The following PCDHA10 variants were observed in gnomAD, a reference collection of about 807,000 sequenced individuals.
PCDHA10 encodes protocadherin alpha 10.
PCDHA10 carries 45 observed loss-of-function variants against 61.2 expected under a neutral mutation model. That is an observed-to-expected ratio of 0.74 (90% CI 0.58 to 0.94). PCDHA10 has a LOEUF of 0.94. Among genes scored for constraint, PCDHA10 ranks in the 40% least tolerant of loss-of-function variants. The pLI, the probability that PCDHA10 is intolerant of heterozygous loss-of-function variation, is 0.00. For missense variants in PCDHA10, 1,278 were observed against 1,236.2 expected, an observed-to-expected ratio of 1.03 and a Z score of -0.51; for synonymous variants, 602 against 548.8, an observed-to-expected ratio of 1.10 and a Z score of -1.35.
At chr5:140,864,271 A>T (rs2048397543) in intron 1 of PCDHA10, 1 of 152,134 alleles carries the variant, frequency 6.6e-6, no homozygotes, top group African/African-American at 2.4e-5. Context: ...TGTGTCCTCC[A>T]TTCCTTATTG....
intron 1 of PCDHA10, among the ~76,000 whole-genome samples, chr5:140,875,039 A>AT: frequency 3.9e-5 from 6 of 152,348 alleles, no homozygotes; most frequent in Admixed American, 3.9e-4. Context: ...TATTTGAAAG[A>AT]TTTCTACTTT....
At chr5:140,867,175 C>T (rs782419499) in intron 1 of PCDHA10, 5 of 152,056 alleles carry the variant, frequency 3.3e-5, no homozygotes, top group Admixed American at 1.3e-4. Context: ...GGTTCATTTC[C>T]CTACCTCGCA....
At chr5:140,863,444 G>T in intron 1 of PCDHA10, 4 of 585,532 alleles carry the variant, frequency 6.8e-6, no homozygotes, top group South Asian at 1.4e-5. Flanking sequence ...GGTCTTACTC[G>T]CAGCAAAGGA....
At chr5:140,924,902 A>AT (rs1563068435) in intron 1 of PCDHA10, among the ~76,000 whole-genome samples, 2 of 39,026 alleles carry the variant, frequency 5.1e-5, no homozygotes, top group Non-Finnish European at 1.3e-4. Context: ...CTCAAAAAAA[A>AT]AAATAAAATA....
In PCDHA10 at chr5:140,927,497, T is replaced by G. The variant is rs199998669; in HGVS notation, c.2389-51452T>G. ...GAACAGCGCGCCACCCACCTGCTGGTGCTTACAGCTCGGGACGGCGGGCTA... is the reference window on the plus strand; with the variant it reads ...GAACAGCGCGCCACCCACCTGCTGGGGCTTACAGCTCGGGACGGCGGGCTA... On this transcript the variant is annotated intron_variant, in intron 1 of 3. Coordinates refer to ENST00000307360, the MANE Select transcript of PCDHA10 (RefSeq NM_018901.4). The G allele has an allele frequency of 2.0e-4, 325 of 1,614,094 alleles. No homozygotes were observed. The highest frequency in any genetic ancestry group is 2.6e-4 in the Non-Finnish European group (305 of 1,180,030).
At chr5:140,982,628 G>A (rs2096992254) in intron 3 of PCDHA10, 65 bp downstream of exon 3, 1 of 1,578,000 alleles carries the variant, frequency 6.3e-7, no homozygotes, top group African/African-American at 1.4e-5. Flanking sequence ...ACCTACTTTT[G>A]TAAGATCAGG....
intron 3 of PCDHA10, among the ~76,000 whole-genome samples, chr5:140,984,534 G>C (rs1261585417): frequency 6.6e-6 from 1 of 152,136 alleles, no homozygotes; most frequent in Non-Finnish European, 1.5e-5. Context: ...TTCATGGACT[G>C]TGCTGGATAG....
intron 3 of PCDHA10, among the ~76,000 whole-genome samples, chr5:140,990,733 A>G (rs2097410113): frequency 6.6e-6 from 1 of 152,198 alleles, no homozygotes; most frequent in Admixed American, 6.5e-5. Flanking sequence ...GTATATCAAC[A>G]GCCCTAGGGT....
At chr5:140,921,165 A>T (rs959305878) in intron 1 of PCDHA10, among the ~76,000 whole-genome samples, 1 of 151,798 alleles carries the variant, frequency 6.6e-6, no homozygotes, top group Non-Finnish European at 1.5e-5. Flanking sequence ...TTTTTTTAAC[A>T]CACATAAAGC....
intron 3 of PCDHA10, among the ~76,000 whole-genome samples, chr5:140,997,147 A>G (rs545988847): frequency 5.9e-5 from 9 of 152,134 alleles, no homozygotes; most frequent in African/African-American, 2.2e-4. Context: ...CCCCCGCCAC[A>G]GTGACATCCT....
intron 1 of PCDHA10, among the ~76,000 whole-genome samples, chr5:140,938,665 G>A (rs542703903): frequency 7.1e-4 from 108 of 152,106 alleles, no homozygotes; most frequent in Admixed American, 1.2e-3. Context: ...ATTAGACTTA[G>A]TTTCCTAACA....
chr5:140,882,482 G>A, intron 1 of PCDHA10: 1 of 1,614,048 alleles, frequency 6.2e-7, no homozygotes, highest in South Asian at 1.1e-5. Context: ...CAAAAGACAC[G>A]GGGACCTTCT....
chr5:140,944,317 A>G (rs2093641596), intron 1 of PCDHA10, among the ~76,000 whole-genome samples: 2 of 152,090 alleles, frequency 1.3e-5, no homozygotes. Flanking sequence ...CCTCCTGAGT[A>G]GCTGGGATTA....
chr5:140,942,808 C>T (rs1175421349), intron 1 of PCDHA10, among the ~76,000 whole-genome samples: 1 of 151,920 alleles, frequency 6.6e-6, no homozygotes, highest in East Asian at 1.9e-4. Context: ...TTTCCACAAA[C>T]TAGTTGGATT....
chr5:140,988,739 G>A (rs2097310931), intron 3 of PCDHA10, among the ~76,000 whole-genome samples: 1 of 152,096 alleles, frequency 6.6e-6, no homozygotes, highest in Non-Finnish European at 1.5e-5. Flanking sequence ...AATTATTCTA[G>A]GATTGGTGGC....
intron 3 of PCDHA10, among the ~76,000 whole-genome samples, chr5:140,988,219 G>C (rs976112285): frequency 1.3e-5 from 2 of 152,132 alleles, no homozygotes; most frequent in African/African-American, 2.4e-5. Flanking sequence ...AAAAAAATGA[G>C]ATCAGGGATC....
chr5:140,989,534 A>G (rs1201139003), intron 3 of PCDHA10, among the ~76,000 whole-genome samples: 1 of 152,184 alleles, frequency 6.6e-6, no homozygotes, highest in African/African-American at 2.4e-5. Flanking sequence ...GGAGGAAGAT[A>G]GTTTGTAATT....
chr5:140,927,910 C>A lies in PCDHA10; in HGVS notation c.2389-51039C>A, dbSNP rs782484227. 2.5e-6 allele frequency: 4 copies of A among 1,614,216 alleles called. No homozygotes were observed. In the South Asian group the frequency reaches 3.3e-5, roughly 13 times the overall value. On this transcript the variant is annotated intron_variant, in intron 1 of 3. Transcript: ENST00000307360. ...TGACGTGAACGATCATGCCCCCGAACTGGACTTCCTGACTCTTTCGAACCC... is the reference window on the plus strand; with the variant it reads ...TGACGTGAACGATCATGCCCCCGAAATGGACTTCCTGACTCTTTCGAACCC...
intron 1 of PCDHA10, among the ~76,000 whole-genome samples, chr5:140,879,972 C>T (rs1005756157): frequency 6.6e-6 from 1 of 152,176 alleles, no homozygotes; most frequent in Non-Finnish European, 1.5e-5. Context: ...AGGATAAACT[C>T]CTTTCAAGAT....
Sources: allele counts gnomAD v4.1 joint callset (sites outside exome capture counted in the v4.1 genomes callset), GRCh38; gene constraint gnomAD v4.1.1; transcripts MANE v1.5; gene names NCBI Gene and HGNC (gene_info 2026-07-23, HGNC 2026-07-21).